The following STK31 variants were observed in gnomAD, a reference collection of about 807,000 sequenced individuals.
The protein encoded by STK31 is serine/threonine kinase 31, also known as serine/threonine-protein kinase 31.
Under a neutral mutation model 129.7 loss-of-function variants are expected in STK31, and 89 were observed. The observed-to-expected ratio is 0.69, with a 90% CI of 0.58 to 0.82. The LOEUF is 0.82. Ranked by LOEUF, STK31 falls within the 40% of genes least tolerant of loss-of-function variation. STK31 has a pLI of 0.00. For missense variants in STK31, 1,187 were observed against 1,176.4 expected (o/e 1.01, Z -0.13); for synonymous variants, 448 against 395.3 (o/e 1.13, Z -1.58).
intron 7 of STK31, among the ~76,000 whole-genome samples, chr7:23,736,386 A>T (rs976040450): frequency 1.3e-5 from 2 of 152,160 alleles, no homozygotes; most frequent in Non-Finnish European, 2.9e-5. Flanking sequence ...TAAATTATCA[A>T]CTTGAAGCAG....
chr7:23,730,442 A>G (rs1364180105), intron 6 of STK31, among the ~76,000 whole-genome samples: 3 of 152,152 alleles, frequency 2.0e-5, no homozygotes, highest in Admixed American at 1.3e-4. Context: ...TTACACCCCA[A>G]GTTTCTGGTT....
At chr7:23,723,770 C>G (rs1238992007) in intron 4 of STK31, among the ~76,000 whole-genome samples, 1 of 152,082 alleles carries the variant, frequency 6.6e-6, no homozygotes, top group East Asian at 1.9e-4. Context: ...ATAAGTCTAT[C>G]TGGGATAGAT....
chr7:23,750,067 T>TTCCCCCCCC (rs1788611310), intron 8 of STK31, among the ~76,000 whole-genome samples: 4 of 90,548 alleles, frequency 4.4e-5, no homozygotes, highest in Non-Finnish European at 9.4e-5. Context: ...ATGGTTTGTT[T>TTCCCCCCCC]CCCCCCCCGC....
intron 22 of STK31, among the ~76,000 whole-genome samples, chr7:23,805,623 A>G (rs1792658307): frequency 6.6e-6 from 1 of 152,044 alleles, no homozygotes; most frequent in African/African-American, 2.4e-5. Context: ...AGCTGGGACT[A>G]CAGGTTGTAT....
In STK31 at chr7:23,721,540, C is replaced by T. The variant is rs866536876; in HGVS notation, c.249+3961C>T. 4.2e-3 allele frequency: 3,326 copies of T among 787,280 alleles called. 8 individuals carry two copies. Among genetic ancestry groups the T allele is most frequent in the Middle Eastern group, 6.8e-3 (23 of 3,398 alleles). 48.8% of individuals were successfully genotyped at this position (787,280 alleles called of 1,614,324 possible). A position where few individuals can be genotyped will look rare whatever the true frequency, so the allele number is the denominator to read the frequency against. On this transcript the variant is annotated intron_variant, in intron 4 of 23. Transcript: ENST00000355870. ...ATGTGTTAGTTCTCTGTTTAACTCT[C>T]TTTTTTTTTTTCCTTTTGGGTGGAG...
intron 22 of STK31, 32 bp downstream of exon 22, chr7:23,790,978 T>C: frequency 7.0e-7 from 1 of 1,428,792 alleles, no homozygotes; most frequent in Non-Finnish European, 9.3e-7. Flanking sequence ...ATAGATCATA[T>C]ATATATATAT....
intron 21 of STK31, among the ~76,000 whole-genome samples, chr7:23,789,714 A>G (rs1791502723): frequency 6.6e-6 from 1 of 152,162 alleles, no homozygotes; most frequent in African/African-American, 2.4e-5. Flanking sequence ...GAATTTTGAA[A>G]GATCTCAACC....
chr7:23,799,486 C>T (rs576960050), intron 22 of STK31, among the ~76,000 whole-genome samples: 1 of 152,114 alleles, frequency 6.6e-6, no homozygotes. Context: ...CAGAAGCAAG[C>T]AATGGGGAAA....
intron 23 of STK31, among the ~76,000 whole-genome samples, chr7:23,826,884 T>C (rs1227050703): frequency 2.0e-5 from 3 of 152,186 alleles, no homozygotes; most frequent in Non-Finnish European, 4.4e-5. Flanking sequence ...AAATTCTGGG[T>C]TGAAAATTCT....
chr7:23,742,088 T>G (rs567058346), intron 8 of STK31, among the ~76,000 whole-genome samples: 10 of 152,252 alleles, frequency 6.6e-5, no homozygotes, highest in South Asian at 2.1e-4. Context: ...TATAGATATG[T>G]GTGGGGTAGC....
chr7:23,766,796 C>T (rs1789856302), intron 11 of STK31, among the ~76,000 whole-genome samples: 2 of 152,286 alleles, frequency 1.3e-5, no homozygotes, highest in South Asian at 4.1e-4. Flanking sequence ...TATTCTGAGA[C>T]TTCTGATAGA....
In STK31 at chr7:23,735,877, A is replaced by G. The variant is rs1354717646; in HGVS notation, c.823A>G (p.Asn275Asp). The G allele has an allele frequency of 6.3e-7, 1 of 1,587,032 alleles. No homozygotes were observed. The highest frequency in any genetic ancestry group is 8.6e-7 in the Non-Finnish European group (1 of 1,166,594). The change falls in exon 7 of 24, where the codon AAT becomes GAT. Residue 275 changes from asparagine to aspartate, a missense_variant. Physicochemically the swap from Asn to Asp is conservative, Grantham distance 23. Around this residue, in one of 5 missense-constraint regions of STK31, gnomAD observed 975 missense variants for 934.9 expected, o/e 1.04. Transcript: ENST00000355870. ...LDLKDENDAG[N>D]LITFPKESLA... ...CTTGAAGGATGAAAATGATGCAGGC[A>G]ATCTTATAACATTTCCAAAGTAAGA...
At chr7:23,760,644 A>G (rs1361236604) in intron 10 of STK31, among the ~76,000 whole-genome samples, 2 of 152,126 alleles carry the variant, frequency 1.3e-5, no homozygotes, top group Non-Finnish European at 2.9e-5. Flanking sequence ...ACCTAGTTGT[A>G]ATTTTTTAAA....
At chr7:23,819,960 G>A (rs1291436555) in intron 23 of STK31, among the ~76,000 whole-genome samples, 8 of 152,150 alleles carry the variant, frequency 5.3e-5, no homozygotes, top group Non-Finnish European at 1.0e-4. Flanking sequence ...TTGACTAGAT[G>A]AAGAAATTTA....
At chr7:23,796,962 T>C (rs968030545) in intron 22 of STK31, among the ~76,000 whole-genome samples, 1 of 151,466 alleles carries the variant, frequency 6.6e-6, no homozygotes, top group Non-Finnish European at 1.5e-5. Flanking sequence ...GGGATTGCAA[T>C]CCTAGTCTCT....
chr7:23,723,987 C>T (rs1050350833), intron 4 of STK31, among the ~76,000 whole-genome samples: 1 of 151,982 alleles, frequency 6.6e-6, no homozygotes, highest in Non-Finnish European at 1.5e-5. Context: ...AACTTTCATA[C>T]CTTGGTTTAG....
chr7:23,730,163 G>A (rs1465306626), intron 6 of STK31, among the ~76,000 whole-genome samples: 2 of 152,148 alleles, frequency 1.3e-5, no homozygotes, highest in African/African-American at 4.8e-5. Context: ...GATTCTTTTG[G>A]TAAATGGTAA....
At chr7:23,758,173 C>T (rs1789221362) in intron 10 of STK31, among the ~76,000 whole-genome samples, 1 of 152,100 alleles carries the variant, frequency 6.6e-6, no homozygotes, top group Non-Finnish European at 1.5e-5. Flanking sequence ...CCTTTCTTTT[C>T]CCCACACTAC....
intron 22 of STK31, among the ~76,000 whole-genome samples, chr7:23,808,970 T>TGTGTGTGTGTGTGTGCGCGC (rs60631283): frequency 2.6e-4 from 36 of 139,652 alleles, no homozygotes; most frequent in Admixed American, 5.3e-4. Flanking sequence ...TGTGTGTGTG[T>TGTGTGTGTGTGTGTGCGCGC]GCCTGTGTCT....
Sources: allele counts gnomAD v4.1 joint callset (sites outside exome capture counted in the v4.1 genomes callset), GRCh38; gene constraint gnomAD v4.1.1; regional missense constraint gnomAD v4.1.1; transcripts MANE v1.5; gene names NCBI Gene and HGNC (gene_info 2026-07-23, HGNC 2026-07-21).